IL33: variants seen among roughly 807,000 people sequenced by gnomAD.
IL33 encodes interleukin 33.
In IL33, 37 loss-of-function variants were observed where a neutral mutation model predicts 27.3. The observed-to-expected ratio is 1.36, with a 90% CI of 1.04 to 1.78. The LOEUF is 1.78. IL33 is among the 40% of genes most tolerant of loss of function. The pLI, the probability that IL33 is intolerant of heterozygous loss-of-function variation, is 0.00. For synonymous variants in IL33, 132 were observed against 102.9 expected (o/e 1.28, Z -1.71); for missense variants, 406 against 311.4 (o/e 1.30, Z -2.29).
upstream of IL33, among the ~76,000 whole-genome samples, chr9:6,215,598 G>T (rs557832976): frequency 2.2e-4 from 33 of 152,200 alleles, 1 homozygote; most frequent in Non-Finnish European, 4.0e-4. Flanking sequence ...GGCAGAAGAA[G>T]AATCATAATT....
intron 6 of IL33, among the ~76,000 whole-genome samples, chr9:6,254,199 C>T (rs1015149635): frequency 6.6e-6 from 1 of 152,138 alleles, no homozygotes; most frequent in Non-Finnish European, 1.5e-5. Flanking sequence ...GACAGGAAAG[C>T]TGATGCCCCG....
At chr9:6,246,695 A>G (rs1819878556) in intron 2 of IL33, among the ~76,000 whole-genome samples, 1 of 152,210 alleles carries the variant, frequency 6.6e-6, no homozygotes, top group African/African-American at 2.4e-5. Context: ...GGTTTCTGAT[A>G]AAAATGATGA....
intron 1 of IL33, among the ~76,000 whole-genome samples, chr9:6,218,185 C>A (rs1470863085): frequency 6.6e-6 from 1 of 152,158 alleles, no homozygotes; most frequent in Non-Finnish European, 1.5e-5. Flanking sequence ...ACATTTTCTC[C>A]ATTCTTCTCT....
At chr9:6,242,038 T>C (rs73639585) in intron 2 of IL33, among the ~76,000 whole-genome samples, 1,724 of 152,318 alleles carry the variant, frequency 0.011, 33 homozygotes, top group African/African-American at 0.038. Context: ...TGAATAGTGA[T>C]AAACTTAATT....
In IL33 at chr9:6,241,688, C is replaced by G; in HGVS notation, c.-7C>G. On this transcript the variant is annotated 5_prime_UTR_variant, in exon 2 of 8. Transcript: ENST00000682010. ...TATTATATTTTAATCCAACAGAATA[C>G]TGAAAAATGAAGCCTAAAATGAAGT... is the stretch of plus-strand genomic sequence containing the variant. 1.3e-6 allele frequency: 2 copies of G among 1,583,324 alleles called. No homozygotes were observed. Among genetic ancestry groups the G allele is most frequent in the South Asian group, 2.3e-5 (2 of 88,074 alleles).
chr9:6,245,608 G>A (rs780852221), intron 2 of IL33, among the ~76,000 whole-genome samples: 4 of 152,098 alleles, frequency 2.6e-5, no homozygotes, highest in Non-Finnish European at 5.9e-5. Context: ...TTAATCTAAG[G>A]GACTAATGAT....
intron 2 of IL33, among the ~76,000 whole-genome samples, chr9:6,247,764 C>T (rs1391054462): frequency 6.6e-6 from 1 of 152,080 alleles, no homozygotes; most frequent in Non-Finnish European, 1.5e-5. Context: ...AACCCTCACA[C>T]TTTCAGCTTC....
At chr9:6,246,186 CA>C (rs1261376297) in intron 2 of IL33, among the ~76,000 whole-genome samples, 2 of 145,896 alleles carry the variant, frequency 1.4e-5, no homozygotes, top group African/African-American at 2.5e-5. Flanking sequence ...AAGATAAAGA[CA>C]TTTTTTATTA....
intron 1 of IL33, among the ~76,000 whole-genome samples, chr9:6,238,104 T>C (rs1819333482): frequency 6.6e-6 from 1 of 152,114 alleles, no homozygotes; most frequent in Non-Finnish European, 1.5e-5. Context: ...TTCTTCCTGT[T>C]TTGAGGCGGA....
At position 6,250,694 on chromosome 9, in the gene IL33, A is replaced by G. The variant is rs1421944424; in HGVS notation, c.217+95A>G. The G allele has an allele frequency of 7.6e-5, 109 of 1,428,266 alleles. 2 individuals are homozygous for G. In the South Asian group the frequency reaches 1.0e-3, roughly 14 times the overall value. 88.5% of individuals were successfully genotyped at this position (1,428,266 alleles called of 1,614,324 possible). ...TATGCAATTATTTTTCCTCACTCCA[A>G]GGTTCCTTTTGGAAAATATTAAGAA... On this transcript the variant is annotated intron_variant, in intron 3 of 7. Transcript: ENST00000682010.
intron 1 of IL33, among the ~76,000 whole-genome samples, chr9:6,221,864 T>C (rs1487625167): frequency 6.6e-6 from 1 of 152,236 alleles, no homozygotes; most frequent in African/African-American, 2.4e-5. Context: ...AATTTAGCCT[T>C]ATCTTTGGGG....
At chr9:6,250,445 A>G in intron 2 of IL33, 29 bp from the exon 3 acceptor site, 2 of 1,608,938 alleles carry the variant, frequency 1.2e-6, no homozygotes, top group Non-Finnish European at 1.7e-6. Flanking sequence ...ATGGAATGAA[A>G]CAGTCTCACA....
chr9:6,247,063 C>T (rs992228384), intron 2 of IL33, among the ~76,000 whole-genome samples: 5 of 152,042 alleles, frequency 3.3e-5, no homozygotes, highest in Non-Finnish European at 5.9e-5. Context: ...ATAGAAAGCT[C>T]AGGAAAAAGA....
intron 1 of IL33, among the ~76,000 whole-genome samples, chr9:6,239,178 C>T (rs1019547522): frequency 2.0e-5 from 3 of 152,156 alleles, no homozygotes; most frequent in Admixed American, 6.5e-5. Flanking sequence ...AAAAGAGTGC[C>T]TTCTGTGTAA....
At chr9:6,248,576 T>C (rs368030383) in intron 2 of IL33, among the ~76,000 whole-genome samples, 1 of 151,506 alleles carries the variant, frequency 6.6e-6, no homozygotes, top group Non-Finnish European at 1.5e-5. Flanking sequence ...AATTTCTATC[T>C]TTTTTTTCTT....
rs1239218128 is a variant in IL33, at chr9:6,257,398, C to T, written c.*1230C>T. 1 of 152,612 alleles carries T rather than the reference C, an allele frequency of 6.6e-6. No homozygotes were observed. Among genetic ancestry groups the T allele is most frequent in the Non-Finnish European group, 1.5e-5 (1 of 68,032 alleles). 9.5% of individuals were successfully genotyped at this position (152,612 alleles called of 1,614,324 possible). On this transcript the variant is annotated 3_prime_UTR_variant, in exon 8 of 8. Coordinates refer to ENST00000682010, the MANE Select transcript of IL33 (RefSeq NM_033439.4). ...ACTTCATTTCTGTATCACCTGACCT[C>T]TGGATGCCAAAACGTTTATTCTGCT...
rs748625551 is a variant in IL33 at position 6,250,506 on chromosome 9, A to G, written c.124A>G (p.Met42Val). The change falls in exon 3 of 8, where the codon ATG (methionine) becomes GTG (valine). Residue 42 changes from methionine (M) to valine (V), a missense_variant. Coordinates refer to ENST00000682010, the MANE Select transcript of IL33 (RefSeq NM_033439.4). ...ACAGAAGGCCAAAGAAGTTTGCCCCATGTACTTTATGAAGCTCCGCTCTGG... is the reference window on the plus strand; with the variant it reads ...ACAGAAGGCCAAAGAAGTTTGCCCCGTGTACTTTATGAAGCTCCGCTCTGG... ...SQQKAKEVCP[M>V]YFMKLRSGLM... 6.8e-6 allele frequency: 11 copies of G among 1,613,840 alleles called. No individual in the cohort carries two copies. The highest frequency in any genetic ancestry group is 1.3e-5 in the African/African-American group (1 of 74,922).
rs764091876 is a variant in IL33 at position 6,251,217 on chromosome 9, T to G, written c.295T>G (p.Ser99Ala). The G allele has an allele frequency of 1.5e-5, 24 of 1,613,864 alleles. No individual in the cohort carries two copies. In the African/African-American group the frequency reaches 3.1e-4, roughly 21 times the overall value. Reference protein sequence around the residue: ...STVECFAFGISGVQKYTRALH... With the variant: ...STVECFAFGIAGVQKYTRALH... ...TGTGGAGTGCTTTGCCTTTGGTATA[T>G]CAGGGGTCCAGAAATATACTAGAGC... Residue 99 changes from serine (S) to alanine (A), a missense_variant, in exon 4 of 8, where the codon TCA (serine) becomes GCA (alanine). Coordinates refer to ENST00000682010, the MANE Select transcript of IL33 (RefSeq NM_033439.4).
At chr9:6,239,828 T>C (rs776236737) in intron 1 of IL33, among the ~76,000 whole-genome samples, 47 of 152,316 alleles carry the variant, frequency 3.1e-4, no homozygotes, top group Non-Finnish European at 1.9e-4. Flanking sequence ...CTCTGCTTTC[T>C]GGCACAACAG....
Sources: allele counts gnomAD v4.1 joint callset (sites outside exome capture counted in the v4.1 genomes callset), GRCh38; gene constraint gnomAD v4.1.1; transcripts MANE v1.5; gene names NCBI Gene and HGNC (gene_info 2026-07-23, HGNC 2026-07-21).